ARHGAP15: variants seen among roughly 807,000 people sequenced by gnomAD.
The protein encoded by ARHGAP15 is Rho GTPase activating protein 15.
In ARHGAP15, 51 loss-of-function variants were observed where a neutral mutation model predicts 63.7. That is an observed-to-expected ratio of 0.80 (90% CI 0.64 to 1.01). The LOEUF (loss-of-function observed/expected upper bound fraction) is 1.01. Among genes scored for constraint, ARHGAP15 ranks in the 50% least tolerant of loss-of-function variants. The pLI, the probability that ARHGAP15 is intolerant of heterozygous loss-of-function variation, is 0.00. For synonymous variants in ARHGAP15, 191 were observed against 193.8 expected (o/e 0.99, Z 0.12); for missense variants, 560 against 564.6 (o/e 0.99, Z 0.08).
intron 13 of ARHGAP15, among the ~76,000 whole-genome samples, chr2:143,761,300 T>C (rs2105549608): frequency 6.6e-6 from 1 of 152,328 alleles, no homozygotes; most frequent in Non-Finnish European, 1.5e-5. Flanking sequence ...GCAAGCCAGG[T>C]GTGACCTGAT....
intron 5 of ARHGAP15, among the ~76,000 whole-genome samples, chr2:143,248,657 G>T (rs76970708): frequency 0.048 from 7,376 of 152,122 alleles, 556 homozygotes; most frequent in African/African-American, 0.17. Context: ...GAATCATTTG[G>T]TTAATATTTA....
chr2:143,310,088 G>A (rs76294229), intron 6 of ARHGAP15, among the ~76,000 whole-genome samples: 145 of 152,048 alleles, frequency 9.5e-4, no homozygotes, highest in African/African-American at 3.2e-3. Flanking sequence ...AGAATTGAGC[G>A]TTTTCCAAAA....
chr2:143,621,617 C>T (rs1236627617), intron 11 of ARHGAP15, among the ~76,000 whole-genome samples: 2 of 152,138 alleles, frequency 1.3e-5, no homozygotes, highest in African/African-American at 4.8e-5. Context: ...CGAAGGGCTA[C>T]AAATTATTAT....
intron 11 of ARHGAP15, chr2:143,607,856 A>G (rs1698099321): frequency 6.6e-6 from 1 of 152,178 alleles, no homozygotes; most frequent in Admixed American, 6.5e-5. Flanking sequence ...TACATCTAAA[A>G]TGGTTAATAC....
At chr2:143,735,499 A>G (rs185850324) in intron 13 of ARHGAP15, among the ~76,000 whole-genome samples, 18 of 152,350 alleles carry the variant, frequency 1.2e-4, no homozygotes, top group Admixed American at 1.2e-3. Context: ...GTATCGTATC[A>G]GCTTAGCGTA....
At chr2:143,213,308 G>A (rs928432096) in intron 3 of ARHGAP15, among the ~76,000 whole-genome samples, 1 of 152,142 alleles carries the variant, frequency 6.6e-6, no homozygotes, top group Non-Finnish European at 1.5e-5. Context: ...GAGGTCGAGA[G>A]TTCAAGACCA....
chr2:143,306,276 G>A (rs1683165341), intron 6 of ARHGAP15, among the ~76,000 whole-genome samples: 1 of 152,140 alleles, frequency 6.6e-6, no homozygotes, highest in African/African-American at 2.4e-5. Flanking sequence ...AAAGAAAACA[G>A]TGGTTACTAC....
intron 5 of ARHGAP15, chr2:143,237,303 T>A (rs1423045334): frequency 6.6e-6 from 1 of 152,166 alleles, no homozygotes; most frequent in African/African-American, 2.4e-5. Flanking sequence ...AGGCCTGAGC[T>A]CTTACGACAG....
In ARHGAP15 at chr2:143,350,953, T is replaced by C. The variant is rs1194518725; in HGVS notation, c.475-84648T>C. On this transcript the variant is annotated intron_variant, in intron 6 of 13. Coordinates refer to ENST00000295095, the MANE Select transcript of ARHGAP15 (RefSeq NM_018460.4). ...CGGTTCTCTTTATGTATCTTACTGG[T>C]CTTTATTAAAATATCTATTATAGTA... is the stretch of plus-strand genomic sequence containing the variant. 4.0e-5 allele frequency: 6 copies of C among 151,534 alleles called. No homozygotes were observed. The East Asian group carries it at 1.2e-3, about 29-fold the overall frequency. 9.4% of individuals were successfully genotyped at this position (151,534 alleles called of 1,614,324 possible). A position where few individuals can be genotyped will look rare whatever the true frequency, so the allele number is the denominator to read the frequency against.
intron 9 of ARHGAP15, among the ~76,000 whole-genome samples, chr2:143,497,627 A>G (rs1044397313): frequency 2.6e-5 from 4 of 152,176 alleles, no homozygotes; most frequent in Admixed American, 2.6e-4. Context: ...ATCCAAAGCC[A>G]GTGCTGGATG....
chr2:143,730,078 T>C (rs1685457838), intron 13 of ARHGAP15, among the ~76,000 whole-genome samples: 1 of 152,194 alleles, frequency 6.6e-6, no homozygotes, highest in Non-Finnish European at 1.5e-5. Flanking sequence ...AGTGTTCTAA[T>C]GAATGGCTTT....
chr2:143,266,192 T>C (rs1435006448), intron 6 of ARHGAP15, among the ~76,000 whole-genome samples: 2 of 152,188 alleles, frequency 1.3e-5, no homozygotes, highest in Non-Finnish European at 2.9e-5. Flanking sequence ...TGTTTCCCAC[T>C]AAGTCCTTTG....
At chr2:143,308,503 C>T (rs945035448) in intron 6 of ARHGAP15, among the ~76,000 whole-genome samples, 2 of 151,148 alleles carry the variant, frequency 1.3e-5, no homozygotes, top group Non-Finnish European at 1.5e-5. Flanking sequence ...CACACACACA[C>T]ACACTACACA....
intron 4 of ARHGAP15, 139 bp downstream of exon 4, chr2:143,216,584 C>G: frequency 1.7e-6 from 1 of 595,138 alleles, no homozygotes; most frequent in East Asian, 2.9e-5. Flanking sequence ...CTATGATCAA[C>G]ATTATTTTTA....
intron 11 of ARHGAP15, among the ~76,000 whole-genome samples, chr2:143,596,256 G>A (rs1697513853): frequency 6.6e-6 from 1 of 152,152 alleles, no homozygotes; most frequent in South Asian, 2.1e-4. Flanking sequence ...CATCAGAACA[G>A]AGCCTTTTCA....
At position 143,194,233 on chromosome 2, in the gene ARHGAP15, T is replaced by C. The variant is rs182775793; in HGVS notation, c.166-7901T>C. 3.1e-3 allele frequency among the ~76,000 whole-genome samples: 469 copies of C among 152,342 alleles called. 2 individuals are homozygous for C. Among genetic ancestry groups the C allele is most frequent in the African/African-American group, 0.011 (448 of 41,594 alleles). On this transcript the variant is annotated intron_variant, in intron 2 of 13. Coordinates refer to ENST00000295095, the MANE Select transcript of ARHGAP15 (RefSeq NM_018460.4). ...TCTGTTGTCTTAAATCTTTTTATTT[T>C]AAATATAACATATGACTTTAGTTGT...
At chr2:143,658,499 A>G (rs1355324989) in intron 12 of ARHGAP15, among the ~76,000 whole-genome samples, 1 of 152,172 alleles carries the variant, frequency 6.6e-6, no homozygotes, top group Admixed American at 6.5e-5. Context: ...GTTTAGCTGT[A>G]ATTGACAGAA....
At chr2:143,669,983 T>C (rs1439750302) in intron 12 of ARHGAP15, among the ~76,000 whole-genome samples, 1 of 152,158 alleles carries the variant, frequency 6.6e-6, no homozygotes, top group East Asian at 1.9e-4. Context: ...GTTCAAGCTG[T>C]GTGTGCAAGG....
Position 143,445,980 on chromosome 2 carries a change from T to C in ARHGAP15, c.703+8938T>C, listed in dbSNP as rs1574461018. ...GTTTAACACAAAAGTTATCAAAGTG[T>C]TAGCCCTCAGAACCCTGTTCAAAAG... On this transcript the variant is annotated intron_variant, in intron 8 of 13. Coordinates refer to ENST00000295095, the MANE Select transcript of ARHGAP15 (RefSeq NM_018460.4). Among the ~76,000 whole-genome samples, 5 of 152,090 alleles carry C rather than the reference T, an allele frequency of 3.3e-5. No homozygotes were observed. In the East Asian group the frequency reaches 9.6e-4, roughly 29 times the overall value.
Sources: allele counts gnomAD v4.1 joint callset (sites outside exome capture counted in the v4.1 genomes callset), GRCh38; gene constraint gnomAD v4.1.1; transcripts MANE v1.5; gene names NCBI Gene and HGNC (gene_info 2026-07-23, HGNC 2026-07-21).